TMEM276: variants seen among roughly 807,000 people sequenced by gnomAD.
TMEM276 encodes the protein transmembrane protein 276.
chr8:144,465,051 AAGTTC>A, the TMEM276 span: 2 of 1,534,086 alleles, frequency 1.3e-6, no homozygotes, highest in Non-Finnish European at 1.7e-6. Flanking sequence ...ATGTTAGGAG[AAGTTC>A]AGTCCTAGAC....
At chr8:144,465,562 G>T in the TMEM276 span, 1 of 285,034 alleles carries the variant, frequency 3.5e-6, no homozygotes, top group Non-Finnish European at 5.2e-6. Flanking sequence ...TGGGGGAGAG[G>T]GTCGAGACCT....
the TMEM276 span, chr8:144,464,061 A>G: frequency 1.8e-5 from 28 of 1,554,958 alleles, no homozygotes; most frequent in Non-Finnish European, 2.4e-5. Context: ...AGAAGGCGCC[A>G]GGAGCAGGCA....
At chr8:144,464,615 G>A in the TMEM276 span, 3 of 1,604,542 alleles carry the variant, frequency 1.9e-6, no homozygotes, top group Non-Finnish European at 2.6e-6. Context: ...CGACTTGCCT[G>A]TCAACACAGG....
the TMEM276 span, chr8:144,466,434 C>G: frequency 7.4e-7 from 1 of 1,354,222 alleles, no homozygotes; most frequent in South Asian, 1.6e-5. Context: ...ACGCCTTTTA[C>G]TCGTTGCTCA....
chr8:144,464,301 G>C, the TMEM276 span: 5 of 1,613,074 alleles, frequency 3.1e-6, no homozygotes, highest in African/African-American at 5.3e-5. Context: ...CATAAGTGTT[G>C]GCCGTGAAGA....
the TMEM276 span, chr8:144,465,477 C>T: frequency 1.4e-5 from 14 of 988,628 alleles, no homozygotes; most frequent in Non-Finnish European, 1.6e-5. Context: ...CGGTCGGGAA[C>T]CTCCACCAGC....
chr8:144,466,244 C>T, the TMEM276 span: 52 of 196,660 alleles, frequency 2.6e-4, no homozygotes, highest in Non-Finnish European at 4.2e-4. Flanking sequence ...CAGGTGCGGC[C>T]GCGGGCACCT....
the TMEM276 span, chr8:144,464,343 C>T: frequency 1.2e-6 from 2 of 1,612,074 alleles, no homozygotes; most frequent in Non-Finnish European, 1.7e-6. Flanking sequence ...CTGCGACCAC[C>T]AACAGCATTG....
At chr8:144,466,460 G>T in the TMEM276 span, 1 of 1,362,328 alleles carries the variant, frequency 7.3e-7, no homozygotes. Flanking sequence ...ATCTTCTACA[G>T]CCTCTTCCGC....
chr8:144,466,459 A>C, the TMEM276 span: 1 of 1,360,292 alleles, frequency 7.4e-7, no homozygotes, highest in Non-Finnish European at 9.6e-7. Flanking sequence ...CATCTTCTAC[A>C]GCCTCTTCCG....
At chr8:144,465,534 G>C in the TMEM276 span, 33 of 646,026 alleles carry the variant, frequency 5.1e-5, no homozygotes, top group Non-Finnish European at 5.6e-5. Context: ...GAGCGGCTGG[G>C]GGGGGAGGGT....
At chr8:144,466,912 CA>C in the TMEM276 span, 1 of 1,566,762 alleles carries the variant, frequency 6.4e-7, no homozygotes, top group East Asian at 2.3e-5. Context: ...AGGCCTGGCT[CA>C]AGCACGTGAC....
the TMEM276 span, chr8:144,464,528 C>G: frequency 6.2e-7 from 1 of 1,612,360 alleles, no homozygotes; most frequent in Non-Finnish European, 8.5e-7. Flanking sequence ...GCAAGGCAGT[C>G]TTCGTGTGTG....
the TMEM276 span, chr8:144,464,460 C>A: frequency 1.9e-6 from 3 of 1,612,360 alleles, no homozygotes; most frequent in East Asian, 6.7e-5. Context: ...CCCCATTCAC[C>A]CAGTGGAAAT....
the TMEM276 span, chr8:144,464,201 A>G: frequency 1.9e-6 from 3 of 1,613,054 alleles, no homozygotes; most frequent in African/African-American, 4.0e-5. Context: ...GCCCAGCGAC[A>G]GACATCCTCC....
the TMEM276 span, chr8:144,464,036 A>G: frequency 6.5e-7 from 1 of 1,535,084 alleles, no homozygotes; most frequent in Admixed American, 2.0e-5. Flanking sequence ...TAGGCAGAAG[A>G]GTCTACCCCT....
At chr8:144,466,847 G>A in the TMEM276 span, 5 of 1,536,656 alleles carry the variant, frequency 3.3e-6, no homozygotes, top group East Asian at 4.9e-5. Context: ...CGGTAGGTGC[G>A]GGCTGGGAGT....
At chr8:144,465,253 C>A in the TMEM276 span, 1 of 1,126,246 alleles carries the variant, frequency 8.9e-7, no homozygotes, top group Non-Finnish European at 1.1e-6. Context: ...ACGCGGCGGC[C>A]TCGGCCTGCT....
chr8:144,464,292 A>AT, the TMEM276 span: 1 of 1,611,798 alleles, frequency 6.2e-7, no homozygotes, highest in African/African-American at 1.3e-5. Context: ...CCCACATCCC[A>AT]TAAGTGTTGG....
Sources: allele counts gnomAD v4.1 joint callset, GRCh38; gene constraint gnomAD v4.1.1; transcripts MANE v1.5; gene names NCBI Gene and HGNC (gene_info 2026-07-23, HGNC 2026-07-21).